SEZ6: variants seen among roughly 807,000 people sequenced by gnomAD.
SEZ6 encodes the protein seizure protein 6 homolog.
In SEZ6, 53 loss-of-function variants were observed where a neutral mutation model predicts 101.0. The observed-to-expected ratio is 0.52, with a 90% CI of 0.42 to 0.66. The LOEUF (loss-of-function observed/expected upper bound fraction) is 0.66. Ranked by LOEUF, SEZ6 falls within the 30% of genes least tolerant of loss-of-function variation. SEZ6 has a pLI of 0.00. For missense variants in SEZ6, 1,102 were observed against 1,289.4 expected, an observed-to-expected ratio of 0.85 and a Z score of 2.23; for synonymous variants, 488 against 512.2, an observed-to-expected ratio of 0.95 and a Z score of 0.64.
intron 1 of SEZ6, among the ~76,000 whole-genome samples, chr17:29,000,507 G>A (rs1342480000): frequency 3.9e-5 from 6 of 152,224 alleles, no homozygotes; most frequent in Non-Finnish European, 7.3e-5. Flanking sequence ...TGGAATGAAT[G>A]AATGAATGAT....
rs1454119830 is a variant in SEZ6, at chr17:28,981,518, T to C, written c.577A>G (p.Arg193Gly). ...GACACAACCTCTGCAACCCACGGCC[T>C]TCCCATGTCTCCAGGACCCTCTTGG... ...PTQEGPGDMG[R>G]PWVAEVVSQG... Residue 193 changes from arginine to glycine, a missense_variant, in exon 2 of 17, where the codon AGG becomes GGG. Coordinates refer to ENST00000317338, the MANE Select transcript of SEZ6 (RefSeq NM_178860.5). The C allele has an allele frequency of 1.2e-6, 2 of 1,611,164 alleles. No individual in the cohort carries two copies. Among genetic ancestry groups the C allele is most frequent in the African/African-American group, 2.7e-5 (2 of 74,872 alleles).
At chr17:28,973,518 C>T (rs1413078289) in intron 3 of SEZ6, among the ~76,000 whole-genome samples, 1 of 152,120 alleles carries the variant, frequency 6.6e-6, no homozygotes, top group African/African-American at 2.4e-5. Flanking sequence ...TGGCCTGGCT[C>T]CCGGCCCAGT....
chr17:28,975,597 G>A (rs976819549), intron 3 of SEZ6, among the ~76,000 whole-genome samples: 2 of 152,202 alleles, frequency 1.3e-5, no homozygotes, highest in African/African-American at 2.4e-5. Flanking sequence ...CATGGGGCTA[G>A]ACCTGACTGC....
intron 1 of SEZ6, among the ~76,000 whole-genome samples, chr17:28,985,977 G>C (rs1175789581): frequency 6.6e-6 from 1 of 152,120 alleles, no homozygotes; most frequent in Non-Finnish European, 1.5e-5. Context: ...TGCATTCTCC[G>C]AGTGGGCTGG....
At chr17:28,998,659 C>T (rs954569650) in intron 1 of SEZ6, among the ~76,000 whole-genome samples, 1 of 152,094 alleles carries the variant, frequency 6.6e-6, no homozygotes, top group Non-Finnish European at 1.5e-5. Context: ...GAGGAGGGTC[C>T]TCCAATAGCC....
intron 4 of SEZ6, among the ~76,000 whole-genome samples, chr17:28,966,884 G>A (rs746336466): frequency 3.3e-5 from 5 of 152,202 alleles, no homozygotes; most frequent in African/African-American, 4.8e-5. Context: ...CTCCTCTTCT[G>A]TCTCTCATGG....
chr17:28,996,399 A>G (rs1213650204), intron 1 of SEZ6, among the ~76,000 whole-genome samples: 1 of 151,980 alleles, frequency 6.6e-6, no homozygotes, highest in Non-Finnish European at 1.5e-5. Flanking sequence ...GGCCCCGCCC[A>G]CCCAGCACTC....
At chr17:28,993,950 C>A (rs956608191) in intron 1 of SEZ6, among the ~76,000 whole-genome samples, 1 of 152,232 alleles carries the variant, frequency 6.6e-6, no homozygotes, top group African/African-American at 2.4e-5. Flanking sequence ...AAGTTACCTC[C>A]CTGACTTTGT....
intron 3 of SEZ6, among the ~76,000 whole-genome samples, chr17:28,978,935 TG>T (rs1270809259): frequency 6.6e-6 from 1 of 151,792 alleles, no homozygotes; most frequent in African/African-American, 2.4e-5. Context: ...TTGATGGGAC[TG>T]GGGGAAGAGG....
At position 28,981,627 on chromosome 17, in the gene SEZ6, A is replaced by G. The variant is rs1456017342; in HGVS notation, c.468T>C (p.Pro156=). The G allele has an allele frequency of 6.3e-7, 1 of 1,587,054 alleles. No homozygotes were observed. The highest frequency in any genetic ancestry group is 1.3e-5 in the African/African-American group (1 of 74,310). ...TGGGCACTGCCATGCTGGGCCCTGG[A>G]GGTAGGGGAGCTGTGATTCGAAGCA... The part of the protein sequence containing the change: ...SPMLRITAPL[P]PGPSMAVPTL... Residue 156 remains proline, a synonymous_variant, in exon 2 of 17, where the codon CCT becomes CCC. Coordinates refer to ENST00000317338, the MANE Select transcript of SEZ6 (RefSeq NM_178860.5).
At chr17:28,982,345 C>T (rs1220882659) in intron 1 of SEZ6, among the ~76,000 whole-genome samples, 3 of 152,196 alleles carry the variant, frequency 2.0e-5, no homozygotes, top group Admixed American at 1.3e-4. Context: ...CAGCACTCCA[C>T]GAGGTCACAC....
chr17:28,960,444 C>T (rs1314321559), intron 7 of SEZ6, 61 bp downstream of exon 7: 2 of 1,546,144 alleles, frequency 1.3e-6, no homozygotes, highest in Non-Finnish European at 1.7e-6. Flanking sequence ...GGGAGAAAGA[C>T]CCTAGGCCCG....
chr17:28,991,840 C>T (rs1182684306), intron 1 of SEZ6, among the ~76,000 whole-genome samples: 1 of 152,164 alleles, frequency 6.6e-6, no homozygotes, highest in Non-Finnish European at 1.5e-5. Context: ...CTTGGCCGCG[C>T]ACAGGTGCTC....
At chr17:29,006,049 A>C (rs547385100), upstream of SEZ6, 4 of 423,046 alleles carry the variant, frequency 9.5e-6, no homozygotes, top group East Asian at 9.1e-5. Context: ...GCGCCTGGCG[A>C]CGGCGCCGGG....
Position 28,959,598 on chromosome 17 carries a change from A to G in SEZ6, c.1771+100T>C. ...CTCCTCCTTGGAGGAAGCCTGAACCACGCATATCACAGGGCCCCTGTGGCC... is the reference window on the plus strand; with the variant it reads ...CTCCTCCTTGGAGGAAGCCTGAACCGCGCATATCACAGGGCCCCTGTGGCC... On this transcript the variant is annotated intron_variant, in intron 8 of 16. Coordinates refer to ENST00000317338, the MANE Select transcript of SEZ6 (RefSeq NM_178860.5). This position sits in a 1 kb window ranked among gnomAD's most constrained non-coding sequence, Gnocchi z 4.4. The G allele has an allele frequency of 6.5e-7, 1 of 1,537,268 alleles. No individual in the cohort carries two copies. Among genetic ancestry groups the G allele is most frequent in the Non-Finnish European group, 8.7e-7 (1 of 1,142,936 alleles).
At chr17:28,971,138 A>G (rs1379778112) in intron 3 of SEZ6, among the ~76,000 whole-genome samples, 1 of 152,248 alleles carries the variant, frequency 6.6e-6, no homozygotes, top group Non-Finnish European at 1.5e-5. Context: ...TTGGGAGCCC[A>G]GAAATCTGGG....
At chr17:28,972,192 C>T (rs1397188073) in intron 3 of SEZ6, among the ~76,000 whole-genome samples, 1 of 152,266 alleles carries the variant, frequency 6.6e-6, no homozygotes, top group Non-Finnish European at 1.5e-5. Context: ...GTTTCAGACT[C>T]TCCCCACTGG....
chr17:28,983,047 T>C (rs572459645), intron 1 of SEZ6, among the ~76,000 whole-genome samples: 4 of 152,332 alleles, frequency 2.6e-5, no homozygotes, highest in African/African-American at 9.6e-5. Flanking sequence ...TCATTTCTGT[T>C]TTTATGGTCC....
rs2041124269 is a variant in SEZ6, at chr17:28,969,797, C to T, written c.1014G>A (p.Pro338=). The change falls in exon 4 of 17, where the codon CCG becomes CCA. Residue 338 remains proline, a synonymous_variant. Transcript: ENST00000317338. ...GGAAGGTGCCAGGGCCAGCCGGTGG[C>T]GGGAGGCTCTGGAACCTCAGGGCCG... ...HQAALRFQSL[P]PPAGPGTFHF... 2.6e-6 allele frequency: 4 copies of T among 1,509,468 alleles called. No individual in the cohort carries two copies. The highest frequency in any genetic ancestry group is 1.3e-5 in the South Asian group (1 of 74,760). 93.5% of individuals were successfully genotyped at this position (1,509,468 alleles called of 1,614,324 possible).
Sources: gnomAD v4.1 joint callset for allele counts (sites outside exome capture counted in the v4.1 genomes callset) on GRCh38, gnomAD v4.1.1 for gene constraint, Gnocchi (gnomAD v3.1) non-coding constraint, MANE v1.5 for transcripts, NCBI Gene and HGNC (gene_info 2026-07-23, HGNC 2026-07-21) for gene names.